The following PCDH7 variants were observed in gnomAD, a reference collection of about 807,000 sequenced individuals.
The protein encoded by PCDH7 is protocadherin-7.
In PCDH7, 17 loss-of-function variants were observed where a neutral mutation model predicts 58.9. The ratio of observed to expected loss-of-function variants is 0.29; its 90% CI spans 0.20 to 0.43. The LOEUF (loss-of-function observed/expected upper bound fraction) is 0.43. Among genes scored for constraint, PCDH7 ranks in the 20% least tolerant of loss-of-function variants. The probability of loss-of-function intolerance (pLI) is 1.00; values close to 1 mark genes in which losing one functional copy is unlikely to be tolerated. For synonymous variants in PCDH7, 664 were observed against 616.4 expected, an observed-to-expected ratio of 1.08 and a Z score of -1.14; for missense variants, 1,274 against 1,441.0, an observed-to-expected ratio of 0.88 and a Z score of 1.88.
intron 3 of PCDH7, among the ~76,000 whole-genome samples, chr4:30,990,103 T>G (rs1751340304): frequency 6.6e-6 from 1 of 152,066 alleles, no homozygotes; most frequent in African/African-American, 2.4e-5. Flanking sequence ...AGATTCTCTT[T>G]ATGATTATAG....
intron 1 of PCDH7, among the ~76,000 whole-genome samples, chr4:30,778,737 G>A (rs145750407): frequency 2.4e-4 from 37 of 151,976 alleles, no homozygotes; most frequent in Admixed American, 2.4e-3. Flanking sequence ...TATCTTTCCT[G>A]CATTTCACAA....
intron 1 of PCDH7, among the ~76,000 whole-genome samples, chr4:30,844,165 G>A (rs1310014467): frequency 6.6e-6 from 1 of 152,114 alleles, no homozygotes; most frequent in Admixed American, 6.6e-5. Context: ...CTATGTTCTT[G>A]TATGTGGCAT....
At position 30,723,464 on chromosome 4, in the gene PCDH7, A is replaced by G; in HGVS notation, c.2042A>G (p.Asn681Ser). 6.2e-7 allele frequency: 1 copy of G among 1,614,170 alleles called. No individual in the cohort carries two copies. The highest frequency in any genetic ancestry group is 8.5e-7 in the Non-Finnish European group (1 of 1,180,028). Residue 681 changes from asparagine to serine, a missense_variant, in exon 1 of 2, where the codon AAC (asparagine) becomes AGC (serine). Physicochemically the swap from Asn to Ser is conservative, Grantham distance 46. This residue lies in a region of PCDH7 where 731 missense variants were observed against 881.9 expected (regional missense o/e 0.83). Coordinates refer to ENST00000361762, the Ensembl canonical transcript of PCDH7. This position sits in a 1 kb window ranked among gnomAD's most constrained non-coding sequence, Gnocchi z 4.6. ...GAGATGAGCCTGTACATAGAGGAGAACAATAACATTTTTTCTATTGAAAAT... is the reference window on the plus strand; with the variant it reads ...GAGATGAGCCTGTACATAGAGGAGAGCAATAACATTTTTTCTATTGAAAAT...
intron 2 of PCDH7, among the ~76,000 whole-genome samples, chr4:30,927,910 A>G (rs1025719617): frequency 6.6e-6 from 1 of 152,234 alleles, no homozygotes. Context: ...ACTCTTAAGC[A>G]TCTTCTATTT....
At chr4:31,057,384 T>C (rs1472208521) in intron 3 of PCDH7, among the ~76,000 whole-genome samples, 2 of 152,184 alleles carry the variant, frequency 1.3e-5, no homozygotes, top group Admixed American at 6.6e-5. Flanking sequence ...ACAGTAGTGA[T>C]GCAGAGGTGG....
At chr4:30,763,127 G>T (rs1720247501) in intron 1 of PCDH7, among the ~76,000 whole-genome samples, 1 of 152,148 alleles carries the variant, frequency 6.6e-6, no homozygotes, top group African/African-American at 2.4e-5. Flanking sequence ...GGAGGCTGAG[G>T]CAGGAGAATC....
intron 3 of PCDH7, among the ~76,000 whole-genome samples, chr4:31,007,918 C>T (rs763810745): frequency 5.9e-5 from 9 of 152,100 alleles, no homozygotes; most frequent in Non-Finnish European, 1.2e-4. Flanking sequence ...CCTGAACATG[C>T]TTTACCCTGA....
chr4:30,977,202 C>G (rs1750148902), intron 3 of PCDH7, among the ~76,000 whole-genome samples: 1 of 152,160 alleles, frequency 6.6e-6, no homozygotes, highest in African/African-American at 2.4e-5. Context: ...ACTACTATCT[C>G]TATAGGTAGC....
chr4:30,969,196 T>C (rs1749322130), intron 3 of PCDH7, among the ~76,000 whole-genome samples: 3 of 152,124 alleles, frequency 2.0e-5, no homozygotes, highest in African/African-American at 7.2e-5. Context: ...TCCATGCCCT[T>C]GCCGTACCAG....
intron 2 of PCDH7, among the ~76,000 whole-genome samples, chr4:30,943,683 T>A (rs757677734): frequency 6.6e-6 from 1 of 152,064 alleles, no homozygotes; most frequent in Non-Finnish European, 1.5e-5. Context: ...CCAAAACACA[T>A]TTGTAAACTT....
At chr4:30,730,939 C>A in exon 2 of PCDH7, 1 of 1,322,122 alleles carries the variant, frequency 7.6e-7, no homozygotes, top group Non-Finnish European at 9.7e-7. Context: ...CTTTTTCTTT[C>A]TCATATACAG....
At chr4:30,818,480 C>T (rs1020961008) in intron 1 of PCDH7, among the ~76,000 whole-genome samples, 2 of 152,104 alleles carry the variant, frequency 1.3e-5, no homozygotes, top group Non-Finnish European at 2.9e-5. Context: ...CTTCTAAACA[C>T]CAGATGATTT....
chr4:31,104,518 A>G (rs1715307950), intron 3 of PCDH7, among the ~76,000 whole-genome samples: 1 of 152,200 alleles, frequency 6.6e-6, no homozygotes, highest in Non-Finnish European at 1.5e-5. Context: ...ATCATTTTCT[A>G]TAGCAGTACA....
chr4:30,903,306 G>A (rs1740473320), intron 1 of PCDH7, among the ~76,000 whole-genome samples: 1 of 152,048 alleles, frequency 6.6e-6, no homozygotes, highest in Admixed American at 6.6e-5. Flanking sequence ...TAGCTACAGA[G>A]ATGGTTAACT....
intron 1 of PCDH7, among the ~76,000 whole-genome samples, chr4:30,896,440 T>C (rs1008006162): frequency 2.0e-5 from 3 of 152,172 alleles, no homozygotes; most frequent in Non-Finnish European, 1.5e-5. Context: ...CCACCATGAA[T>C]GATAACCATA....
Position 30,879,132 on chromosome 4 carries a change from A to G in PCDH7, c.71-41021A>G, listed in dbSNP as rs188227869. On this transcript the variant is annotated intron_variant, in intron 1 of 3. Transcript: ENST00000509759. ...GTTTCTCTGGAAATAATCAGTTAAT[A>G]TAAAAAATCCAATTCTTTCCTCCTG... 2.0e-5 allele frequency among the ~76,000 whole-genome samples: 3 copies of G among 152,142 alleles called. No homozygotes were observed. In the East Asian group the frequency reaches 5.8e-4, roughly 29 times the overall value.
chr4:30,747,802 T>C (rs2063010048), intron 1 of PCDH7, among the ~76,000 whole-genome samples: 2 of 152,264 alleles, frequency 1.3e-5, no homozygotes, highest in African/African-American at 4.8e-5. Flanking sequence ...ATCGATTGTT[T>C]TGCATACTAC....
At chr4:30,752,361 T>C (rs1447916421) in intron 1 of PCDH7, among the ~76,000 whole-genome samples, 1 of 152,162 alleles carries the variant, frequency 6.6e-6, no homozygotes, top group Non-Finnish European at 1.5e-5. Flanking sequence ...CCTTCTTGGC[T>C]TCTTTGGCAT....
At chr4:31,132,591 C>A (rs116652784) in intron 3 of PCDH7, among the ~76,000 whole-genome samples, 1 of 152,044 alleles carries the variant, frequency 6.6e-6, no homozygotes, top group Non-Finnish European at 1.5e-5. Flanking sequence ...TAATTTGAGA[C>A]CATTAAAATG....
Sources: allele counts gnomAD v4.1 joint callset (sites outside exome capture counted in the v4.1 genomes callset), GRCh38; gene constraint gnomAD v4.1.1; regional missense constraint gnomAD v4.1.1; non-coding constraint Gnocchi (gnomAD v3.1); transcripts MANE v1.5; gene names NCBI Gene and HGNC (gene_info 2026-07-23, HGNC 2026-07-21).